Variants in SLC26A4 observed in about 807,000 individuals in gnomAD.
SLC26A4 encodes solute carrier family 26 member 4.
In SLC26A4, 93 loss-of-function variants were observed where a neutral mutation model predicts 90.4. The observed-to-expected ratio is 1.03, with a 90% CI of 0.87 to 1.22. The LOEUF (loss-of-function observed/expected upper bound fraction) is 1.22, where lower values mean the gene tolerates loss of function less well. Among genes scored for constraint, SLC26A4 ranks in the 50% most tolerant of loss-of-function variants. SLC26A4 has a pLI of 0.00. For synonymous variants in SLC26A4, 393 were observed against 354.6 expected, an observed-to-expected ratio of 1.11 and a Z score of -1.22; for missense variants, 1,127 against 946.2, an observed-to-expected ratio of 1.19 and a Z score of -2.51.
chr7:107,698,262 A>T (rs942590926), intron 14 of SLC26A4, 151 bp downstream of exon 14: 2 of 700,436 alleles, frequency 2.9e-6, no homozygotes, highest in Non-Finnish European at 5.3e-6. Context: ...CTTTTGATCC[A>T]GTGCACCTTC....
chr7:107,664,120 T>A (rs1437305388), intron 3 of SLC26A4, among the ~76,000 whole-genome samples: 1 of 152,272 alleles, frequency 6.6e-6, no homozygotes. Context: ...ATATTTATTA[T>A]AACAATGTGC....
At chr7:107,677,288 C>A (rs950471769) in intron 6 of SLC26A4, among the ~76,000 whole-genome samples, 5 of 152,164 alleles carry the variant, frequency 3.3e-5, no homozygotes, top group African/African-American at 1.2e-4. Context: ...ACCCACTACC[C>A]ATGATGTTTA....
chr7:107,711,012 T>C (rs1346744063), intron 19 of SLC26A4, among the ~76,000 whole-genome samples: 1 of 152,180 alleles, frequency 6.6e-6, no homozygotes, highest in African/African-American at 2.4e-5. Context: ...AGATTGGCAG[T>C]TGATTGAAGA....
At position 107,682,636 on chromosome 7, in the gene SLC26A4, A is replaced by C. The variant is rs181441720; in HGVS notation, c.766-566A>C. On this transcript the variant is annotated intron_variant, in intron 6 of 20. Coordinates refer to ENST00000644269, the MANE Select transcript of SLC26A4 (RefSeq NM_000441.2). ...CTAAAATACTGGCTAATTGTGCCCCAAAAAAAAGAAAGCTAGAAAGAAAGA... is the reference window on the plus strand; with the variant it reads ...CTAAAATACTGGCTAATTGTGCCCCCAAAAAAAGAAAGCTAGAAAGAAAGA... Among the ~76,000 whole-genome samples the C allele has an allele frequency of 9.8e-4, 148 of 151,582 alleles. 1 individual carries two copies. Among genetic ancestry groups the C allele is most frequent in the African/African-American group, 2.5e-3 (105 of 41,392 alleles).
chr7:107,689,373 C>A (rs542560080), intron 9 of SLC26A4, among the ~76,000 whole-genome samples, 173 bp downstream of exon 9: 6 of 152,306 alleles, frequency 3.9e-5, no homozygotes, highest in Admixed American at 6.5e-5. Context: ...AATAGACACA[C>A]TGCATCACTT....
rs367940538 is a variant in SLC26A4, at chr7:107,674,425, A to T, written c.600+77A>T. 1.8e-5 allele frequency: 21 copies of T among 1,149,312 alleles called. 1 individual carries two copies. Among genetic ancestry groups the T allele is most frequent in the African/African-American group, 9.3e-5 (6 of 64,578 alleles). The allele number at this position is 1,149,312 out of a possible 1,614,324, so 71.2% of individuals were successfully genotyped here. A position where few individuals can be genotyped will look rare whatever the true frequency, so the allele number is the denominator to read the frequency against. ...AACTTTAAAGCATATAGACTTAAAG[A>T]TTCTACTAAAAACAAAACAAAGTAA... On this transcript the variant is annotated intron_variant, in intron 5 of 20. Coordinates refer to ENST00000644269, the MANE Select transcript of SLC26A4 (RefSeq NM_000441.2).
At chr7:107,689,346 A>G (rs1411783904) in intron 9 of SLC26A4, 146 bp downstream of exon 9, 2 of 789,362 alleles carry the variant, frequency 2.5e-6, no homozygotes, top group Non-Finnish European at 4.2e-6. Flanking sequence ...GTGTTTGCTA[A>G]TTAGAAATTA....
At chr7:107,695,848 A>G (rs1229520361) in intron 12 of SLC26A4, 85 bp from the exon 13 acceptor site, 2 of 812,618 alleles carry the variant, frequency 2.5e-6, no homozygotes, top group African/African-American at 3.4e-5. Flanking sequence ...TTTGTGGATC[A>G]TTGATCTTAT....
chr7:107,665,691 C>T (rs1453148072), intron 3 of SLC26A4, among the ~76,000 whole-genome samples: 1 of 152,194 alleles, frequency 6.6e-6, no homozygotes, highest in Non-Finnish European at 1.5e-5. Context: ...TGTTTATAAG[C>T]ATGAGACACT....
Position 107,661,632 on chromosome 7 carries a change from C to A in SLC26A4, c.-3-7C>A, listed in dbSNP as rs1190997879. 6.4e-7 allele frequency: 1 copy of A among 1,556,788 alleles called. No homozygotes were observed. Among genetic ancestry groups the A allele is most frequent in the African/African-American group, 1.3e-5 (1 of 74,078 alleles). On this transcript the variant is annotated splice_region_variant and splice_polypyrimidine_tract_variant and intron_variant, in intron 1 of 20. Coordinates refer to ENST00000644269, the MANE Select transcript of SLC26A4 (RefSeq NM_000441.2). This position sits in a 1 kb window ranked among gnomAD's most constrained non-coding sequence, Gnocchi z 5.1. The stretch of plus-strand genomic sequence containing the variant: ...GTCCTCCCTCCTCGCTGTCCTCTGG[C>A]TCGCAGGTCATGGCAGCGCCAGGCG...
At chr7:107,680,864 T>C (rs1791212403) in intron 6 of SLC26A4, among the ~76,000 whole-genome samples, 1 of 152,178 alleles carries the variant, frequency 6.6e-6, no homozygotes, top group African/African-American at 2.4e-5. Context: ...TTTTTGCATC[T>C]TGAGTTGAAA....
chr7:107,676,108 A>T (rs994498593), intron 6 of SLC26A4, among the ~76,000 whole-genome samples: 21 of 152,196 alleles, frequency 1.4e-4, no homozygotes, highest in Non-Finnish European at 2.8e-4. Context: ...TTAGAACTGG[A>T]TGGACCTTGA....
At chr7:107,673,358 GAGAA>G (rs1790926124) in intron 4 of SLC26A4, among the ~76,000 whole-genome samples, 1 of 151,944 alleles carries the variant, frequency 6.6e-6, no homozygotes. Flanking sequence ...CTTACAAAAA[GAGAA>G]AGAAACTTCA....
intron 3 of SLC26A4, among the ~76,000 whole-genome samples, chr7:107,668,735 G>T (rs1056379246): frequency 3.3e-5 from 5 of 152,184 alleles, no homozygotes; most frequent in African/African-American, 1.2e-4. Flanking sequence ...TTAAACAACA[G>T]AAATTTATTT....
chr7:107,715,633 T>C lies in SLC26A4; in HGVS notation c.*187T>C. On this transcript the variant is annotated 3_prime_UTR_variant, in exon 21 of 21. Transcript: ENST00000644269. ...TTATCCCTAACATGGGCAAAATGGC[T>C]AGAATTATTCAGACGATTTGGCAGC... 1.6e-6 allele frequency: 1 copy of C among 636,204 alleles called. No individual in the cohort carries two copies. The highest frequency in any genetic ancestry group is 2.8e-6 in the Non-Finnish European group (1 of 351,156). The allele number at this position is 636,204 out of a possible 1,614,324, so 39.4% of individuals were successfully genotyped here.
intron 6 of SLC26A4, among the ~76,000 whole-genome samples, chr7:107,678,412 C>T (rs574517619): frequency 6.6e-6 from 1 of 152,284 alleles, no homozygotes; most frequent in East Asian, 1.9e-4. Flanking sequence ...AATTGTTGAC[C>T]TGGGTCCATG....
intron 20 of SLC26A4, among the ~76,000 whole-genome samples, chr7:107,713,993 C>A (rs962059009): frequency 6.6e-6 from 1 of 152,082 alleles, no homozygotes; most frequent in Non-Finnish European, 1.5e-5. Flanking sequence ...CAGCTCACTG[C>A]AATCCCTCCC....
chr7:107,697,999 C>A (rs779724986), intron 13 of SLC26A4, 43 bp from the exon 14 acceptor site: 3 of 1,238,702 alleles, frequency 2.4e-6, no homozygotes, highest in Admixed American at 1.7e-5. Flanking sequence ...TTCCAAAATA[C>A]GGCTGTTCCA....
intron 12 of SLC26A4, among the ~76,000 whole-genome samples, chr7:107,695,585 T>C (rs1791713593): frequency 1.3e-5 from 2 of 152,126 alleles, no homozygotes; most frequent in African/African-American, 2.4e-5. Context: ...GGAGGATCAC[T>C]TGAGCTCAGG....
Sources: allele counts gnomAD v4.1 joint callset (sites outside exome capture counted in the v4.1 genomes callset), GRCh38; gene constraint gnomAD v4.1.1; non-coding constraint Gnocchi (gnomAD v3.1); transcripts MANE v1.5; gene names NCBI Gene and HGNC (gene_info 2026-07-23, HGNC 2026-07-21).